MAF: variants seen among roughly 807,000 people sequenced by gnomAD.
The protein encoded by MAF is transcription factor Maf.
Under a neutral mutation model 22.0 loss-of-function variants are expected in MAF, and 10 were observed. The ratio of observed to expected loss-of-function variants is 0.45; its 90% CI spans 0.28 to 0.77. MAF has a LOEUF of 0.77. MAF is among the 30% of genes least tolerant of loss of function. The probability of loss-of-function intolerance (pLI) is 0.12; values close to 1 mark genes in which losing one functional copy is unlikely to be tolerated. For missense variants in MAF, 544 were observed against 548.4 expected, an observed-to-expected ratio of 0.99 and a Z score of 0.08; for synonymous variants, 337 against 255.8, an observed-to-expected ratio of 1.32 and a Z score of -3.03.
chr16:79,390,355 C>G, the MAF span, among the ~76,000 whole-genome samples: 1 of 152,266 alleles, frequency 6.6e-6, no homozygotes, highest in African/African-American at 2.4e-5. Flanking sequence ...GGTCAAATCA[C>G]TCCTGCCAAA....
the MAF span, among the ~76,000 whole-genome samples, chr16:79,213,164 A>T: frequency 6.6e-6 from 1 of 152,064 alleles, no homozygotes; most frequent in Non-Finnish European, 1.5e-5. Flanking sequence ...GGCAAGACGG[A>T]GAAAATGCTT....
At chr16:79,370,897 C>T in the MAF span, among the ~76,000 whole-genome samples, 242 of 152,202 alleles carry the variant, frequency 1.6e-3, 4 homozygotes, top group African/African-American at 5.5e-3. Flanking sequence ...ACCTTCCTGA[C>T]GTCTTCTGTG....
the MAF span, among the ~76,000 whole-genome samples, chr16:79,476,402 G>A: frequency 6.6e-6 from 1 of 152,186 alleles, no homozygotes. Context: ...ATAGGCAACT[G>A]ATACAATACT....
chr16:79,465,248 T>C, the MAF span, among the ~76,000 whole-genome samples: 1 of 152,224 alleles, frequency 6.6e-6, no homozygotes, highest in African/African-American at 2.4e-5. Flanking sequence ...GGGCCAACTG[T>C]ATTTTCATTA....
At chr16:79,292,164 C>T in the MAF span, among the ~76,000 whole-genome samples, 1 of 152,218 alleles carries the variant, frequency 6.6e-6, no homozygotes, top group Non-Finnish European at 1.5e-5. Context: ...ATGTTGAAGT[C>T]ATAACCATTG....
chr16:79,543,099 T>C, the MAF span, among the ~76,000 whole-genome samples: 3 of 152,240 alleles, frequency 2.0e-5, 1 homozygote, highest in Non-Finnish European at 4.4e-5. Flanking sequence ...ATTTTGAGTT[T>C]TGCATTTCAC....
chr16:79,574,613 C>G, the MAF span, among the ~76,000 whole-genome samples: 1 of 152,014 alleles, frequency 6.6e-6, no homozygotes, highest in Admixed American at 6.5e-5. Flanking sequence ...ACCCATTTTC[C>G]AAAAGAGAAG....
At chr16:79,375,363 C>T in the MAF span, among the ~76,000 whole-genome samples, 3 of 152,196 alleles carry the variant, frequency 2.0e-5, no homozygotes, top group African/African-American at 7.2e-5. Context: ...CTTCATCATG[C>T]ACATCTCAGA....
chr16:79,238,467 T>C, the MAF span, among the ~76,000 whole-genome samples: 2 of 152,046 alleles, frequency 1.3e-5, no homozygotes. Flanking sequence ...GTAAAGAAAG[T>C]GGAATCTGGG....
At chr16:79,384,688 C>T in the MAF span, among the ~76,000 whole-genome samples, 33,978 of 151,752 alleles carry the variant, frequency 0.22, 4,973 homozygotes, top group African/African-American at 0.42. Context: ...ACCCGGGAGG[C>T]GGAGGTTGCA....
intron 1 of MAF, chr16:79,595,660 C>T (rs1913475571): frequency 9.5e-7 from 1 of 1,057,962 alleles, no homozygotes; most frequent in Non-Finnish European, 1.1e-6. Flanking sequence ...AGTCAGCCCC[C>T]ATACACAGCC....
At chr16:79,204,687 C>T in the MAF span, 10 of 152,274 alleles carry the variant, frequency 6.6e-5, no homozygotes, top group African/African-American at 2.4e-4. Context: ...GCCCTTCAAT[C>T]CTGCTGATAG....
At chr16:79,428,408 G>A in the MAF span, among the ~76,000 whole-genome samples, 2 of 152,178 alleles carry the variant, frequency 1.3e-5, no homozygotes, top group South Asian at 2.1e-4. Flanking sequence ...GCTGTGTCAA[G>A]GACAATGTTG....
At chr16:79,401,921 C>G in the MAF span, among the ~76,000 whole-genome samples, 1 of 152,164 alleles carries the variant, frequency 6.6e-6, no homozygotes, top group African/African-American at 2.4e-5. Flanking sequence ...CATCAGTCAG[C>G]TCATTTAATC....
At chr16:79,523,962 A>G in the MAF span, among the ~76,000 whole-genome samples, 1 of 152,196 alleles carries the variant, frequency 6.6e-6, no homozygotes, top group Non-Finnish European at 1.5e-5. Context: ...TATAGTTGTC[A>G]TGATCCTGTG....
chr16:79,444,731 G>A, the MAF span, among the ~76,000 whole-genome samples: 7 of 152,188 alleles, frequency 4.6e-5, no homozygotes, highest in African/African-American at 1.7e-4. Flanking sequence ...CCATGGAGAA[G>A]CCACAGAATG....
At chr16:79,545,986 G>A in the MAF span, among the ~76,000 whole-genome samples, 2 of 151,858 alleles carry the variant, frequency 1.3e-5, no homozygotes, top group Admixed American at 1.3e-4. Context: ...ATTTCACAGT[G>A]TAAACATACT....
At chr16:79,567,834 G>A in the MAF span, among the ~76,000 whole-genome samples, 3 of 152,324 alleles carry the variant, frequency 2.0e-5, no homozygotes, top group Admixed American at 6.5e-5. Flanking sequence ...CCACCTGCCA[G>A]CTAATGTCTC....
the MAF span, among the ~76,000 whole-genome samples, chr16:79,283,979 A>AAG: frequency 2.1e-5 from 2 of 94,506 alleles, no homozygotes; most frequent in African/African-American, 7.5e-5. Context: ...AAAAAAAAAA[A>AAG]AAAAAAGACA....
Sources: gnomAD v4.1 joint callset for allele counts (sites outside exome capture counted in the v4.1 genomes callset) on GRCh38, gnomAD v4.1.1 for gene constraint, MANE v1.5 for transcripts, NCBI Gene and HGNC (gene_info 2026-07-23, HGNC 2026-07-21) for gene names.